EIPR1: variants seen among roughly 807,000 people sequenced by gnomAD.
EIPR1 encodes EARP complex and GARP complex interacting protein 1, also known as EARP and GARP complex-interacting protein 1.
A neutral mutation model predicts 48.1 loss-of-function variants in EIPR1; 25 were observed. That is an observed-to-expected ratio of 0.52 (90% confidence interval 0.38 to 0.73). EIPR1 has a LOEUF of 0.73. Among genes scored for constraint, EIPR1 ranks in the 30% least tolerant of loss-of-function variants. The probability of loss-of-function intolerance (pLI) is 0.00; values close to 1 mark genes in which losing one functional copy is unlikely to be tolerated. For missense variants in EIPR1, 415 were observed against 506.2 expected (o/e 0.82, Z 1.73); for synonymous variants, 204 against 201.9 (o/e 1.01, Z -0.09).
At chr2:3,297,561 C>T (rs1668640517) in intron 3 of EIPR1, among the ~76,000 whole-genome samples, 2 of 152,240 alleles carry the variant, frequency 1.3e-5, no homozygotes, top group African/African-American at 4.8e-5. Context: ...CAGCCAGGTT[C>T]TCCCTTGCAT....
chr2:3,341,452 T>C (rs995518078), intron 2 of EIPR1, among the ~76,000 whole-genome samples: 2 of 151,950 alleles, frequency 1.3e-5, no homozygotes, highest in Non-Finnish European at 2.9e-5. Flanking sequence ...GGGTACACTA[T>C]GCGTGTATGT....
chr2:3,266,896 C>T (rs1285826812), intron 3 of EIPR1, among the ~76,000 whole-genome samples: 2 of 152,254 alleles, frequency 1.3e-5, no homozygotes, highest in African/African-American at 4.8e-5. Context: ...CGTGCAGAGG[C>T]GTGGCCTCTC....
At chr2:3,271,450 G>A (rs574403246) in intron 3 of EIPR1, among the ~76,000 whole-genome samples, 20 of 152,344 alleles carry the variant, frequency 1.3e-4, no homozygotes, top group African/African-American at 4.8e-4. Flanking sequence ...AGACTTGAAA[G>A]TTGAAATTAC....
chr2:3,337,908 G>A, intron 3 of EIPR1, 109 bp downstream of exon 3: 1 of 1,233,084 alleles, frequency 8.1e-7, no homozygotes, highest in Non-Finnish European at 1.1e-6. Flanking sequence ...CTTCATTAAT[G>A]GCTAAATCTT....
chr2:3,329,645 C>T (rs955594345), intron 3 of EIPR1, among the ~76,000 whole-genome samples: 1 of 151,462 alleles, frequency 6.6e-6, no homozygotes, highest in African/African-American at 2.4e-5. Context: ...TCTCCGAGTG[C>T]CAGCCTGGCT....
intron 5 of EIPR1, chr2:3,208,478 T>C: frequency 6.6e-7 from 1 of 1,513,152 alleles, no homozygotes; most frequent in Non-Finnish European, 8.9e-7. Context: ...ATCTGTCAGT[T>C]GGGAGGGGGC....
At chr2:3,346,092 G>A (rs913635174) in intron 2 of EIPR1, among the ~76,000 whole-genome samples, 3 of 152,216 alleles carry the variant, frequency 2.0e-5, no homozygotes, top group Admixed American at 2.0e-4. Context: ...CAGACACCCT[G>A]CCCACCCCCT....
At chr2:3,319,385 G>A (rs1000923517) in intron 3 of EIPR1, 7 of 181,528 alleles carry the variant, frequency 3.9e-5, no homozygotes, top group South Asian at 2.4e-4. Context: ...CCCAGAAAGC[G>A]CCGATCCCCG....
At chr2:3,346,392 C>G (rs1670403923) in intron 2 of EIPR1, among the ~76,000 whole-genome samples, 1 of 152,150 alleles carries the variant, frequency 6.6e-6, no homozygotes, top group Non-Finnish European at 1.5e-5. Flanking sequence ...TAATAGATGC[C>G]CAATAGAACA....
chr2:3,373,288 A>T (rs1006627349), intron 1 of EIPR1, among the ~76,000 whole-genome samples: 6 of 151,588 alleles, frequency 4.0e-5, no homozygotes, highest in Admixed American at 1.3e-4. Context: ...TGAATGGGCA[A>T]AAACTGGAAG....
intron 4 of EIPR1, among the ~76,000 whole-genome samples, chr2:3,217,572 A>C (rs1163494709): frequency 2.0e-5 from 3 of 152,218 alleles, no homozygotes; most frequent in Non-Finnish European, 4.4e-5. Flanking sequence ...TTTTTTAAAA[A>C]AATTGAGTTA....
intron 4 of EIPR1, among the ~76,000 whole-genome samples, chr2:3,248,716 A>T (rs549797434): frequency 6.4e-4 from 98 of 152,386 alleles, no homozygotes; most frequent in Admixed American, 1.1e-3. Flanking sequence ...GGTTGCAGTG[A>T]GCCAAGATGG....
chr2:3,317,691 C>G (rs1669354397), intron 3 of EIPR1, among the ~76,000 whole-genome samples: 1 of 152,352 alleles, frequency 6.6e-6, no homozygotes, highest in African/African-American at 2.4e-5. Context: ...TGTGACTGTA[C>G]TGGAGACAGA....
At chr2:3,225,020 C>T (rs1269524751) in intron 4 of EIPR1, among the ~76,000 whole-genome samples, 2 of 152,134 alleles carry the variant, frequency 1.3e-5, no homozygotes, top group African/African-American at 2.4e-5. Context: ...GTGAGTACTC[C>T]CTTGTAAACA....
rs1214394853 is a variant in EIPR1 at position 3,199,060 on chromosome 2, G to GCCCCCCCCC, written c.517-2044_517-2043insGGGGGGGGG. Among the ~76,000 whole-genome samples the GCCCCCCCCC allele has an allele frequency of 3.4e-4, 8 of 23,354 alleles. 2 individuals are homozygous for GCCCCCCCCC. Among genetic ancestry groups the GCCCCCCCCC allele is most frequent in the Admixed American group, 1.4e-3 (3 of 2,172 alleles). 15.3% of individuals were successfully genotyped at this position (23,354 alleles called of 152,430 possible). ...CACCCCCAGAGTGGCCATTTTAGAG[G>GCCCCCCCCC]GCCCCCCCCCCGCCCCGGGAATGCA... is the stretch of plus-strand genomic sequence containing the variant. On this transcript the variant is annotated intron_variant, in intron 5 of 8. Transcript: ENST00000382125.
At chr2:3,208,738 G>A (rs1165740733) in intron 5 of EIPR1, 11 of 1,548,544 alleles carry the variant, frequency 7.1e-6, no homozygotes, top group Middle Eastern at 1.7e-4. Flanking sequence ...GCTCGTGGCG[G>A]GTCCTTCTGT....
chr2:3,238,354 G>A lies in EIPR1; in HGVS notation c.416+18945C>T, dbSNP rs116536082. ...CTGGGCCTCTCTTGTCTCCCTCCAC[G>A]GGCTGGTGACACTCCAGAGCCGCGG... On this transcript the variant is annotated intron_variant, in intron 4 of 8. Coordinates refer to ENST00000382125, the MANE Select transcript of EIPR1 (RefSeq NM_003310.5). 2.1e-3 allele frequency among the ~76,000 whole-genome samples: 317 copies of A among 152,250 alleles called. 1 individual carries two copies. The highest frequency in any genetic ancestry group is 7.5e-3 in the African/African-American group (312 of 41,562).
chr2:3,357,385 T>C lies in EIPR1; in HGVS notation c.43-2752A>G, dbSNP rs555743032. ...TGCTGGATTTAGAGATGAATGAGAG[T>C]TGTTAAAGCAAACTAAATATGGCCT... On this transcript the variant is annotated intron_variant, in intron 1 of 8. Coordinates refer to ENST00000382125, the MANE Select transcript of EIPR1 (RefSeq NM_003310.5). Among the ~76,000 whole-genome samples, 3 of 152,110 alleles carry C rather than the reference T, an allele frequency of 2.0e-5. No homozygotes were observed. The South Asian group carries it at 6.2e-4, about 32-fold the overall frequency.
chr2:3,200,666 G>T (rs763518610), intron 5 of EIPR1, among the ~76,000 whole-genome samples: 1 of 151,692 alleles, frequency 6.6e-6, no homozygotes, highest in East Asian at 1.9e-4. Flanking sequence ...GGGCAGGGAG[G>T]GGGGCAGGGG....
Sources: allele counts gnomAD v4.1 joint callset (sites outside exome capture counted in the v4.1 genomes callset), GRCh38; gene constraint gnomAD v4.1.1; transcripts MANE v1.5; gene names NCBI Gene and HGNC (gene_info 2026-07-23, HGNC 2026-07-21).